THSD7A: variants seen among roughly 807,000 people sequenced by gnomAD.
THSD7A encodes thrombospondin type 1 domain containing 7A, also known as thrombospondin type-1 domain-containing protein 7A.
THSD7A carries 96 observed loss-of-function variants against 231.3 expected under a neutral mutation model. The observed-to-expected ratio is 0.41, with a 90% CI of 0.35 to 0.49. The LOEUF is 0.49. THSD7A is among the 20% of genes least tolerant of loss of function. THSD7A has a pLI of 0.05. For missense variants in THSD7A, 2,290 were observed against 2,070.2 expected (o/e 1.11, Z -2.06); for synonymous variants, 940 against 743.3 (o/e 1.26, Z -4.30).
At chr7:11,810,623 A>C (rs1784505355) in intron 1 of THSD7A, among the ~76,000 whole-genome samples, 1 of 152,174 alleles carries the variant, frequency 6.6e-6, no homozygotes, top group South Asian at 2.1e-4. Flanking sequence ...TTTGCTAGAA[A>C]GAAGAAATAG....
intron 1 of THSD7A, among the ~76,000 whole-genome samples, chr7:11,717,909 C>G (rs1489543998): frequency 6.6e-6 from 1 of 151,554 alleles, no homozygotes; most frequent in African/African-American, 2.4e-5. Flanking sequence ...TTTCAGAGTA[C>G]CTTCTAGATA....
chr7:11,616,574 A>T (rs1265264213), intron 2 of THSD7A, among the ~76,000 whole-genome samples: 1 of 152,240 alleles, frequency 6.6e-6, no homozygotes, highest in Non-Finnish European at 1.5e-5. Flanking sequence ...TCTGCTTCCT[A>T]GCAGCACTGA....
rs76874367 is a variant in THSD7A, at chr7:11,402,021, C to T, written c.4238-53G>A. 2.3e-3 allele frequency: 3,529 copies of T among 1,512,944 alleles called. 78 individuals are homozygous for T. The African/African-American group carries it at 0.043, about 19-fold the overall frequency. 93.7% of individuals were successfully genotyped at this position (1,512,944 alleles called of 1,614,324 possible). On this transcript the variant is annotated intron_variant, in intron 22 of 27. Transcript: ENST00000423059. ...CCCATATCCACAGAGAAAAGCCAGC[C>T]CGATAATCATTTTAATTCCAACCCC...
chr7:11,798,592 A>C (rs1469323887), intron 1 of THSD7A, among the ~76,000 whole-genome samples: 1 of 152,078 alleles, frequency 6.6e-6, no homozygotes, highest in African/African-American at 2.4e-5. Context: ...TGTCACTATT[A>C]TTTAGGTGAT....
intron 6 of THSD7A, among the ~76,000 whole-genome samples, chr7:11,530,630 C>T (rs1332745270): frequency 6.6e-6 from 1 of 152,072 alleles, no homozygotes; most frequent in East Asian, 1.9e-4. Context: ...GGTAGAAAAG[C>T]CAACTGGTAA....
At chr7:11,386,136 T>C (rs181344137) in intron 23 of THSD7A, among the ~76,000 whole-genome samples, 35 of 152,334 alleles carry the variant, frequency 2.3e-4, no homozygotes, top group African/African-American at 7.7e-4. Flanking sequence ...TTCGGGTTGG[T>C]TCCAAGTCTT....
intron 2 of THSD7A, among the ~76,000 whole-genome samples, chr7:11,626,025 A>C (rs1361868556): frequency 1.3e-5 from 2 of 152,116 alleles, no homozygotes; most frequent in Non-Finnish European, 2.9e-5. Flanking sequence ...TCCCAGGAAA[A>C]GTGATGAAAG....
intron 1 of THSD7A, among the ~76,000 whole-genome samples, chr7:11,670,776 T>G (rs1162941535): frequency 6.6e-6 from 1 of 152,176 alleles, no homozygotes; most frequent in Non-Finnish European, 1.5e-5. Flanking sequence ...CCCATTTTTT[T>G]GAGGATGCTT....
At chr7:11,683,384 G>A (rs1193752509) in intron 1 of THSD7A, among the ~76,000 whole-genome samples, 1 of 151,602 alleles carries the variant, frequency 6.6e-6, no homozygotes, top group Non-Finnish European at 1.5e-5. Flanking sequence ...AATCAGAGCA[G>A]AACTAAATAA....
chr7:11,688,942 C>G (rs563296977), intron 1 of THSD7A, among the ~76,000 whole-genome samples: 2 of 151,772 alleles, frequency 1.3e-5, no homozygotes, highest in African/African-American at 4.8e-5. Context: ...CATTGGGATT[C>G]GTACAGATAG....
In THSD7A at chr7:11,407,047, T is replaced by A; in HGVS notation, c.3925A>T (p.Ile1309Phe). 2 of 1,613,760 alleles carry A rather than the reference T, an allele frequency of 1.2e-6. No homozygotes were observed. Among genetic ancestry groups the A allele is most frequent in the Non-Finnish European group, 1.7e-6 (2 of 1,179,818 alleles). Residue 1309 changes from isoleucine (I) to phenylalanine (F), a missense_variant, in exon 21 of 28, where the codon ATC becomes TTC. Transcript: ENST00000423059. Reference protein sequence around the residue: ...SQTCGLTGKMIRRRTVTQPFQ... With the variant: ...SQTCGLTGKMFRRRTVTQPFQ... Reference sequence around the variant, plus strand: ...GGCTGGGTCACTGTTCGTCTTCGGATCATTTTTCCTTGAAGAGATACAAAG... The same window carrying A: ...GGCTGGGTCACTGTTCGTCTTCGGAACATTTTTCCTTGAAGAGATACAAAG...
intron 6 of THSD7A, among the ~76,000 whole-genome samples, chr7:11,534,377 T>G (rs1159018227): frequency 6.6e-6 from 1 of 152,174 alleles, no homozygotes; most frequent in East Asian, 1.9e-4. Context: ...CAGCTTTTGC[T>G]TGGTCCTCTT....
chr7:11,732,058 C>G (rs1348403707), intron 1 of THSD7A, among the ~76,000 whole-genome samples: 1 of 151,536 alleles, frequency 6.6e-6, no homozygotes, highest in Non-Finnish European at 1.5e-5. Context: ...CTACTTATTA[C>G]TTAAGGATTT....
chr7:11,583,955 A>G (rs1584026332), intron 4 of THSD7A, among the ~76,000 whole-genome samples: 1 of 152,194 alleles, frequency 6.6e-6, no homozygotes, highest in East Asian at 1.9e-4. Context: ...AGGCTGACCT[A>G]TTTAATTGTC....
At position 11,759,340 on chromosome 7, in the gene THSD7A, T is replaced by C. The variant is rs1208928377; in HGVS notation, c.190+72417A>G. The stretch of plus-strand genomic sequence containing the variant: ...CAATGAAATGATCACAACTAAAAGG[T>C]ATGGTTGTTTAGAAATTCATTGAGA... On this transcript the variant is annotated intron_variant, in intron 1 of 27. Transcript: ENST00000423059. Among the ~76,000 whole-genome samples the C allele has an allele frequency of 2.0e-5, 3 of 151,996 alleles. No individual in the cohort carries two copies. The East Asian group carries it at 5.8e-4, about 29-fold the overall frequency.
At chr7:11,635,669 C>T (rs1243458724) in intron 2 of THSD7A, among the ~76,000 whole-genome samples, 2 of 152,094 alleles carry the variant, frequency 1.3e-5, no homozygotes, top group Non-Finnish European at 2.9e-5. Flanking sequence ...TTAGGTATAG[C>T]TCCCTGGGTT....
chr7:11,683,384 G>C (rs1193752509), intron 1 of THSD7A, among the ~76,000 whole-genome samples: 1 of 151,602 alleles, frequency 6.6e-6, no homozygotes, highest in Non-Finnish European at 1.5e-5. Flanking sequence ...AATCAGAGCA[G>C]AACTAAATAA....
At chr7:11,762,706 T>A (rs1165333531) in intron 1 of THSD7A, among the ~76,000 whole-genome samples, 2 of 152,200 alleles carry the variant, frequency 1.3e-5, no homozygotes, top group Non-Finnish European at 2.9e-5. Flanking sequence ...CTCTGTTGAT[T>A]GTTTCTTTTG....
intron 1 of THSD7A, among the ~76,000 whole-genome samples, chr7:11,672,638 T>G (rs1002918553): frequency 6.6e-6 from 1 of 152,176 alleles, no homozygotes; most frequent in African/African-American, 2.4e-5. Context: ...TGCCTAGAAT[T>G]TTAATTTGAT....
Sources: gnomAD v4.1 joint callset for allele counts (sites outside exome capture counted in the v4.1 genomes callset) on GRCh38, gnomAD v4.1.1 for gene constraint, MANE v1.5 for transcripts, NCBI Gene and HGNC (gene_info 2026-07-23, HGNC 2026-07-21) for gene names.